PTPRT: variants seen among roughly 807,000 people sequenced by gnomAD.
The protein encoded by PTPRT is protein tyrosine phosphatase receptor type T.
Under a neutral mutation model 176.8 loss-of-function variants are expected in PTPRT, and 56 were observed. The ratio of observed to expected loss-of-function variants is 0.32; its 90% confidence interval spans 0.26 to 0.40. The LOEUF (loss-of-function observed/expected upper bound fraction) is 0.40. PTPRT is among the 10% of genes least tolerant of loss of function. The pLI is 1.00. For synonymous variants in PTPRT, 783 were observed against 739.0 expected, an observed-to-expected ratio of 1.06 and a Z score of -0.96; for missense variants, 1,540 against 1,908.2, an observed-to-expected ratio of 0.81 and a Z score of 3.60.
chr20:43,091,610 G>C (rs1393284620), intron 1 of PTPRT, among the ~76,000 whole-genome samples: 1 of 151,142 alleles, frequency 6.6e-6, no homozygotes, highest in African/African-American at 2.4e-5. Flanking sequence ...CAGCCTTTAA[G>C]AACAAAAAGT....
At chr20:42,582,653 G>A (rs1298474350) in intron 7 of PTPRT, among the ~76,000 whole-genome samples, 1 of 152,186 alleles carries the variant, frequency 6.6e-6, no homozygotes, top group Non-Finnish European at 1.5e-5. Flanking sequence ...GGCAACTGTG[G>A]TTATCTGTGA....
chr20:42,295,625 C>G (rs1418409299), intron 12 of PTPRT, among the ~76,000 whole-genome samples: 1 of 151,204 alleles, frequency 6.6e-6, no homozygotes, highest in East Asian at 1.9e-4. Flanking sequence ...AATAATACAA[C>G]TAAAAATTGA....
At chr20:42,364,083 G>A (rs570289003) in intron 9 of PTPRT, among the ~76,000 whole-genome samples, 1 of 152,228 alleles carries the variant, frequency 6.6e-6, no homozygotes, top group Admixed American at 6.5e-5. Flanking sequence ...GAGAATTAGG[G>A]GCGATCAGGG....
intron 1 of PTPRT, among the ~76,000 whole-genome samples, chr20:42,919,406 G>T (rs1017990759): frequency 1.3e-5 from 2 of 152,208 alleles, no homozygotes; most frequent in South Asian, 4.1e-4. Flanking sequence ...ATGACAATGG[G>T]ATTATGAGAC....
At chr20:42,620,536 C>T (rs904938663) in intron 7 of PTPRT, among the ~76,000 whole-genome samples, 6 of 149,894 alleles carry the variant, frequency 4.0e-5, no homozygotes, top group African/African-American at 1.5e-4. Flanking sequence ...GCCCCTCCCC[C>T]AGCCTCGTTG....
chr20:42,829,626 G>T (rs1259019632), intron 2 of PTPRT, among the ~76,000 whole-genome samples: 1 of 152,186 alleles, frequency 6.6e-6, no homozygotes, highest in East Asian at 1.9e-4. Flanking sequence ...TGAACTGAAG[G>T]AAATGGAGGC....
chr20:42,052,867 C>G, the PTPRT span, among the ~76,000 whole-genome samples: 76 of 152,262 alleles, frequency 5.0e-4, no homozygotes, highest in African/African-American at 1.8e-3. Context: ...AGGCCCGTGT[C>G]GGTGGCTTTC....
intron 7 of PTPRT, among the ~76,000 whole-genome samples, chr20:42,517,919 T>C (rs536845982): frequency 1.1e-4 from 17 of 152,032 alleles, no homozygotes; most frequent in Non-Finnish European, 2.5e-4. Context: ...ATGCTTGGAA[T>C]GAATATGTGG....
the PTPRT span, among the ~76,000 whole-genome samples, chr20:42,046,260 C>G: frequency 1.3e-5 from 2 of 152,154 alleles, no homozygotes; most frequent in Non-Finnish European, 2.9e-5. Context: ...ACTCAAGACT[C>G]CAGGTGTTGC....
At chr20:42,412,892 G>C (rs2059031273) in intron 9 of PTPRT, among the ~76,000 whole-genome samples, 1 of 151,968 alleles carries the variant, frequency 6.6e-6, no homozygotes, top group Admixed American at 6.6e-5. Context: ...CCGAGCACAG[G>C]GAAGAATTAA....
intron 15 of PTPRT, among the ~76,000 whole-genome samples, chr20:42,209,664 C>G (rs890820223): frequency 2.6e-5 from 4 of 152,072 alleles, no homozygotes; most frequent in Admixed American, 6.5e-5. Flanking sequence ...AATAGCTTAC[C>G]AACCAAAAAG....
In PTPRT at chr20:42,291,714, G is replaced by A. The variant is rs184389488; in HGVS notation, c.2140-9189C>T. On this transcript the variant is annotated intron_variant, in intron 12 of 30. Transcript: ENST00000373187. ...AAGGCCTGAAAGTGGGAAAATGCATGGTGCTGTTGAAGACATACAAAATTC... is the reference window on the plus strand; with the variant it reads ...AAGGCCTGAAAGTGGGAAAATGCATAGTGCTGTTGAAGACATACAAAATTC... Among the ~76,000 whole-genome samples, 6 of 152,170 alleles carry A rather than the reference G, an allele frequency of 3.9e-5. No homozygotes were observed. The East Asian group carries it at 1.2e-3, about 29-fold the overall frequency.
chr20:42,995,060 T>C (rs969079138), intron 1 of PTPRT, among the ~76,000 whole-genome samples: 1 of 152,226 alleles, frequency 6.6e-6, no homozygotes, highest in African/African-American at 2.4e-5. Context: ...AATCTGCTTA[T>C]AAAAGGTGAG....
At chr20:42,613,233 A>T (rs530296963) in intron 7 of PTPRT, among the ~76,000 whole-genome samples, 1 of 152,324 alleles carries the variant, frequency 6.6e-6, no homozygotes, top group South Asian at 2.1e-4. Context: ...GCACTTTTTC[A>T]TTCACACCAG....
At chr20:43,127,043 T>C (rs1568800650) in intron 1 of PTPRT, among the ~76,000 whole-genome samples, 1 of 152,184 alleles carries the variant, frequency 6.6e-6, no homozygotes, top group East Asian at 1.9e-4. Context: ...GGGTGAAATA[T>C]TTGTGGGGTA....
chr20:42,200,724 A>G (rs1010847282), intron 15 of PTPRT, among the ~76,000 whole-genome samples: 5 of 152,224 alleles, frequency 3.3e-5, no homozygotes, highest in African/African-American at 4.8e-5. Context: ...TCCAACATAT[A>G]TGCATCGAAA....
chr20:42,425,075 A>G (rs1029088498), intron 9 of PTPRT, among the ~76,000 whole-genome samples: 1 of 152,138 alleles, frequency 6.6e-6, no homozygotes, highest in African/African-American at 2.4e-5. Context: ...TTTGTGAGTT[A>G]CGTATTATGA....
chr20:42,697,938 C>T (rs999458714), intron 6 of PTPRT, among the ~76,000 whole-genome samples: 6 of 152,158 alleles, frequency 3.9e-5, no homozygotes, highest in African/African-American at 1.4e-4. Context: ...TGCTTAAAGC[C>T]ACATATAACA....
intron 1 of PTPRT, among the ~76,000 whole-genome samples, chr20:43,166,816 G>A (rs372306484): frequency 6.6e-5 from 10 of 152,176 alleles, no homozygotes; most frequent in East Asian, 1.9e-4. Context: ...ATTCAACACC[G>A]GGGTTATAAA....
Sources: allele counts gnomAD v4.1 joint callset (sites outside exome capture counted in the v4.1 genomes callset), GRCh38; gene constraint gnomAD v4.1.1; transcripts MANE v1.5; gene names NCBI Gene and HGNC (gene_info 2026-07-23, HGNC 2026-07-21).